Variants in MOGAT2 observed in about 807,000 individuals in gnomAD.
MOGAT2 encodes the protein monoacylglycerol O-acyltransferase 2.
MOGAT2 carries 27 observed loss-of-function variants against 31.5 expected under a neutral mutation model. The observed-to-expected ratio is 0.86, with a 90% confidence interval of 0.63 to 1.18. The LOEUF is 1.18. Ranked by LOEUF, MOGAT2 falls within the 50% of genes most tolerant of loss-of-function variation. The pLI, the probability that MOGAT2 is intolerant of heterozygous loss-of-function variation, is 0.00. For missense variants in MOGAT2, 436 were observed against 433.2 expected (o/e 1.01, Z -0.06); for synonymous variants, 163 against 170.0 (o/e 0.96, Z 0.32).
intron 1 of MOGAT2, 43 bp from the exon 2 acceptor site, chr11:75,719,949 C>T: frequency 6.3e-7 from 1 of 1,594,994 alleles, no homozygotes; most frequent in African/African-American, 1.3e-5. Context: ...ACCTGCCTTC[C>T]TCTCAGACCC....
chr11:75,727,958 CTCTT>C lies in MOGAT2; in HGVS notation c.476-9_476-6del. On this transcript the variant is annotated splice_polypyrimidine_tract_variant and splice_region_variant and intron_variant, in intron 3 of 5. Transcript: ENST00000198801. Reference sequence around the variant, plus strand: ...CTCACCCCATACCTGACCCACTTTTCTCTTTCCCTAGGGTTGGTCACATCAGAAA... The same window carrying C: ...CTCACCCCATACCTGACCCACTTTTCTCCCTAGGGTTGGTCACATCAGAAA... The C allele has an allele frequency of 7.5e-6, 12 of 1,589,864 alleles. No homozygotes were observed. The highest frequency in any genetic ancestry group is 1.0e-5 in the Non-Finnish European group (12 of 1,167,442).
intron 2 of MOGAT2, among the ~76,000 whole-genome samples, chr11:75,722,894 C>T (rs1180445857): frequency 6.6e-6 from 1 of 152,240 alleles, no homozygotes; most frequent in African/African-American, 2.4e-5. Context: ...GTACTGTTGA[C>T]ACTGGTGGGA....
In MOGAT2 at chr11:75,720,093, C is replaced by T. The variant is rs773970049; in HGVS notation, c.193C>T (p.Arg65Trp). 2.7e-5 allele frequency: 43 copies of T among 1,614,024 alleles called. No individual in the cohort carries two copies. In the East Asian group the frequency reaches 3.6e-4, roughly 13 times the overall value. ...AWWYLDRDKP[R>W]QGGRHIQAIR... ...GTGGTATCTGGACCGAGACAAGCCACGGCAGGGGGGCCGGCACATCCAGGC... is the reference window on the plus strand; with the variant it reads ...GTGGTATCTGGACCGAGACAAGCCATGGCAGGGGGGCCGGCACATCCAGGC... Residue 65 changes from arginine to tryptophan, a missense_variant, in exon 2 of 6, where the codon CGG becomes TGG. Transcript: ENST00000198801.
At chr11:75,721,992 C>T (rs1176608757) in intron 2 of MOGAT2, among the ~76,000 whole-genome samples, 1 of 152,178 alleles carries the variant, frequency 6.6e-6, no homozygotes, top group South Asian at 2.1e-4. Flanking sequence ...GGGCAAAGGG[C>T]AATGGGGGTG....
intron 4 of MOGAT2, 130 bp downstream of exon 4, chr11:75,728,274 G>C: frequency 8.5e-7 from 1 of 1,177,926 alleles, no homozygotes; most frequent in Non-Finnish European, 1.2e-6. Context: ...TCACAATTAA[G>C]ATTATATTTT....
At chr11:75,719,349 A>G (rs1362561906) in intron 1 of MOGAT2, 3 of 152,406 alleles carry the variant, frequency 2.0e-5, no homozygotes, top group Non-Finnish European at 4.4e-5. Context: ...AGGCAAAGGA[A>G]TCAGAGCTCA....
chr11:75,724,024 A>C (rs962547581), intron 2 of MOGAT2, among the ~76,000 whole-genome samples: 1 of 152,332 alleles, frequency 6.6e-6, no homozygotes, highest in East Asian at 1.9e-4. Flanking sequence ...GGGAGGCGTT[A>C]TCAGTGTCCT....
chr11:75,726,664 C>T (rs1452677661), intron 2 of MOGAT2, among the ~76,000 whole-genome samples: 1 of 150,960 alleles, frequency 6.6e-6, no homozygotes, highest in African/African-American at 2.4e-5. Context: ...TGTTTGAATC[C>T]ATAGATGTCT....
In MOGAT2 at chr11:75,731,484, G is replaced by A; in HGVS notation, c.*198G>A. On this transcript the variant is annotated 3_prime_UTR_variant, in exon 6 of 6. Coordinates refer to ENST00000198801, the MANE Select transcript of MOGAT2 (RefSeq NM_025098.4). ...GGGTCAGCTGGGGCTAGGACAGTGA[G>A]GGCTGCTAGAGGGGCTGGGCCTCTC... 1.8e-6 allele frequency: 1 copy of A among 544,564 alleles called. No individual in the cohort carries two copies. The highest frequency in any genetic ancestry group is 3.0e-6 in the Non-Finnish European group (1 of 338,570). 33.7% of individuals were successfully genotyped at this position (544,564 alleles called of 1,614,324 possible).
At chr11:75,728,737 T>C in intron 4 of MOGAT2, 53 bp from the exon 5 acceptor site, 1 of 1,512,704 alleles carries the variant, frequency 6.6e-7, no homozygotes, top group East Asian at 2.3e-5. Context: ...GCCTTTCAGC[T>C]CGTGCCTTCT....
At position 75,721,290 on chromosome 11, in the gene MOGAT2, C is replaced by CT. The variant is rs201451924; in HGVS notation, c.270+1130dup. On this transcript the variant is annotated intron_variant, in intron 2 of 5. Transcript: ENST00000198801. ...GCAAGTAAAGCACTTTGTAGGTTTT[C>CT]TTTTTTTTTTGAGATGGAGTCTCGC... Among the ~76,000 whole-genome samples the CT allele has an allele frequency of 9.3e-3, 1,381 of 149,194 alleles. 18 individuals are homozygous for CT. Among genetic ancestry groups the CT allele is most frequent in the African/African-American group, 0.027 (1,111 of 40,720 alleles).
chr11:75,724,490 G>T (rs1944402832), intron 2 of MOGAT2, among the ~76,000 whole-genome samples: 1 of 152,054 alleles, frequency 6.6e-6, no homozygotes, highest in South Asian at 2.1e-4. Flanking sequence ...GCCAGTATTA[G>T]CACATGCATT....
intron 2 of MOGAT2, among the ~76,000 whole-genome samples, chr11:75,726,898 C>T (rs1378675647): frequency 6.6e-6 from 1 of 152,074 alleles, no homozygotes; most frequent in Non-Finnish European, 1.5e-5. Flanking sequence ...GGAGTTTCAC[C>T]ATGTTGGTCT....
intron 2 of MOGAT2, among the ~76,000 whole-genome samples, chr11:75,724,112 G>C (rs1429216891): frequency 6.6e-6 from 1 of 152,178 alleles, no homozygotes; most frequent in Middle Eastern, 3.2e-3. Flanking sequence ...GCAGAACCGG[G>C]GTCTCCTGAC....
At chr11:75,728,381 T>C (rs1205748362) in intron 4 of MOGAT2, 1 of 660,910 alleles carries the variant, frequency 1.5e-6, no homozygotes, top group Non-Finnish European at 2.7e-6. Context: ...AAAGCTGGCA[T>C]TTGATCTGAG....
chr11:75,727,189 G>A (rs1178680134), intron 2 of MOGAT2, among the ~76,000 whole-genome samples: 1 of 152,182 alleles, frequency 6.6e-6, no homozygotes, highest in Non-Finnish European at 1.5e-5. Flanking sequence ...CAAATGAAGA[G>A]CCTGTAGGAG....
rs1944482183 is a variant in MOGAT2 at position 75,731,669 on chromosome 11, T to C, written c.*383T>C. 1.2e-5 allele frequency: 2 copies of C among 167,934 alleles called. No homozygotes were observed. Among genetic ancestry groups the C allele is most frequent in the Admixed American group, 6.2e-5 (1 of 16,056 alleles). The allele number at this position is 167,934 out of a possible 1,614,324, so 10.4% of individuals were successfully genotyped here. On this transcript the variant is annotated 3_prime_UTR_variant, in exon 6 of 6. Transcript: ENST00000198801. ...ACTGCATTCTGTTGGTCGAAGCAAG[T>C]CACAACCCAGCAGATTCAAGGAGTA...
chr11:75,728,854 T>C lies in MOGAT2; in HGVS notation c.715T>C (p.Ser239Pro). 1 of 1,614,222 alleles carries C rather than the reference T, an allele frequency of 6.2e-7. No individual in the cohort carries two copies. The highest frequency in any genetic ancestry group is 8.5e-7 in the Non-Finnish European group (1 of 1,180,030). Residue 239 changes from serine to proline, a missense_variant, in exon 5 of 6, where the codon TCT becomes CCT. Ser to Pro is a moderately conservative substitution (Grantham distance 74). Coordinates refer to ENST00000198801, the MANE Select transcript of MOGAT2 (RefSeq NM_025098.4). ...NDLFDQIPNS[S>P]GSWLRYIQNR... is the part of the protein sequence containing the mutation. ...CCTATTTGACCAGATTCCCAACTCT[T>C]CTGGCTCCTGGTTACGCTATATCCA... is the stretch of plus-strand genomic sequence containing the variant.
chr11:75,722,747 C>T (rs908347745), intron 2 of MOGAT2, among the ~76,000 whole-genome samples: 11 of 152,182 alleles, frequency 7.2e-5, no homozygotes, highest in Non-Finnish European at 1.2e-4. Flanking sequence ...CAGCATCTGG[C>T]CCTCTTTGCA....
Sources: allele counts gnomAD v4.1 joint callset (sites outside exome capture counted in the v4.1 genomes callset), GRCh38; gene constraint gnomAD v4.1.1; transcripts MANE v1.5; gene names NCBI Gene and HGNC (gene_info 2026-07-23, HGNC 2026-07-21).